TAS2R1: variants seen among roughly 807,000 people sequenced by gnomAD.
The protein encoded by TAS2R1 is taste 2 receptor member 1.
For missense variants in TAS2R1, 370 were observed against 353.4 expected (o/e 1.05, Z -0.38); for synonymous variants, 141 against 134.2 (o/e 1.05, Z -0.35).
intron 1 of TAS2R1, among the ~76,000 whole-genome samples, chr5:9,682,636 T>C (rs1004998543): frequency 2.0e-5 from 3 of 152,118 alleles, no homozygotes; most frequent in Non-Finnish European, 4.4e-5. Context: ...ACTATGATCA[T>C]GATGATTTTA....
chr5:9,876,528 T>C, the TAS2R1 span, among the ~76,000 whole-genome samples: 1 of 152,184 alleles, frequency 6.6e-6, no homozygotes, highest in East Asian at 1.9e-4. Flanking sequence ...TAAAGCAAAA[T>C]CTGTCATACC....
the TAS2R1 span, among the ~76,000 whole-genome samples, chr5:9,807,340 G>A: frequency 6.6e-6 from 1 of 152,106 alleles, no homozygotes; most frequent in Non-Finnish European, 1.5e-5. Flanking sequence ...GGAAAAGTGT[G>A]GACATTCTTC....
At chr5:9,724,340 CTTTCT>C in the TAS2R1 span, among the ~76,000 whole-genome samples, 3 of 124,090 alleles carry the variant, frequency 2.4e-5, no homozygotes, top group Non-Finnish European at 5.0e-5. Context: ...TTAGATGTTT[CTTTCT>C]TTTTTTTTTT....
the TAS2R1 span, among the ~76,000 whole-genome samples, chr5:9,819,894 T>C: frequency 5.4e-4 from 82 of 152,060 alleles, no homozygotes; most frequent in African/African-American, 2.0e-3. Flanking sequence ...GTTACAAATA[T>C]GCAAAAAAAG....
At chr5:9,667,091 T>G (rs1173325137) in intron 1 of TAS2R1, among the ~76,000 whole-genome samples, 1 of 152,208 alleles carries the variant, frequency 6.6e-6, no homozygotes, top group African/African-American at 2.4e-5. Flanking sequence ...TCCGTTTTTT[T>G]CTACAAATTT....
At chr5:9,867,230 T>C in the TAS2R1 span, 2 of 152,200 alleles carry the variant, frequency 1.3e-5, no homozygotes, top group African/African-American at 4.8e-5. Context: ...CCTGCTTTCC[T>C]GCTGGGAATC....
chr5:9,728,929 C>T, the TAS2R1 span, among the ~76,000 whole-genome samples: 1 of 152,172 alleles, frequency 6.6e-6, no homozygotes, highest in South Asian at 2.1e-4. Flanking sequence ...GAAGAGGCTT[C>T]CCTGATGCAG....
rs1250338416 is a variant in TAS2R1, at chr5:9,628,266, T to C, written c.*867A>G. 6.6e-6 allele frequency among the ~76,000 whole-genome samples: 1 copy of C among 152,054 alleles called. No homozygotes were observed. Among genetic ancestry groups the C allele is most frequent in the Non-Finnish European group, 1.5e-5 (1 of 68,022 alleles). On this transcript the variant is annotated 3_prime_UTR_variant, in exon 1 of 1. Transcript: ENST00000382492. The stretch of plus-strand genomic sequence containing the variant: ...CCCCAGCCCCACCCACCTACTGATG[T>C]TGCTTCATTGGGAAGACAGGCAATG...
the TAS2R1 span, among the ~76,000 whole-genome samples, chr5:9,724,154 A>C: frequency 6.6e-6 from 1 of 152,202 alleles, no homozygotes. Context: ...ATTGAAATGC[A>C]ACTGTGGCTG....
At chr5:9,702,069 A>T (rs954183225) in intron 1 of TAS2R1, among the ~76,000 whole-genome samples, 2 of 152,162 alleles carry the variant, frequency 1.3e-5, no homozygotes, top group African/African-American at 4.8e-5. Flanking sequence ...TGTATGTTTT[A>T]GGTTCTCTCA....
At chr5:9,702,197 C>A (rs1045642842) in intron 1 of TAS2R1, among the ~76,000 whole-genome samples, 2 of 152,210 alleles carry the variant, frequency 1.3e-5, no homozygotes, top group Admixed American at 6.5e-5. Context: ...ATACTTCTAA[C>A]AATTTTGCAT....
the TAS2R1 span, among the ~76,000 whole-genome samples, chr5:9,797,530 T>C: frequency 1.3e-5 from 2 of 152,168 alleles, no homozygotes; most frequent in East Asian, 3.9e-4. Flanking sequence ...AATTCTAGTC[T>C]ATAGAATAAA....
upstream of TAS2R1, among the ~76,000 whole-genome samples, chr5:9,716,890 C>G (rs1309817022): frequency 1.3e-5 from 2 of 152,120 alleles, no homozygotes; most frequent in African/African-American, 4.8e-5. Context: ...ACCAAACCAG[C>G]CATACGATCG....
chr5:9,642,547 T>G (rs1740106886), intron 2 of TAS2R1, among the ~76,000 whole-genome samples: 1 of 152,166 alleles, frequency 6.6e-6, no homozygotes, highest in Non-Finnish European at 1.5e-5. Flanking sequence ...ATCCATTCAT[T>G]TGCTTCTCTC....
the TAS2R1 span, among the ~76,000 whole-genome samples, chr5:9,803,936 C>T: frequency 3.9e-5 from 6 of 152,074 alleles, no homozygotes; most frequent in South Asian, 6.2e-4. Flanking sequence ...ACTTAAAAGA[C>T]CACACAATGG....
At chr5:9,830,605 G>GCACACACACACA in the TAS2R1 span, among the ~76,000 whole-genome samples, 234 of 149,808 alleles carry the variant, frequency 1.6e-3, no homozygotes, top group African/African-American at 5.2e-3. Flanking sequence ...ACGTGCGCGC[G>GCACACACACACA]CACACACACA....
the TAS2R1 span, among the ~76,000 whole-genome samples, chr5:9,837,545 C>T: frequency 1.9e-4 from 29 of 152,198 alleles, no homozygotes; most frequent in Non-Finnish European, 1.5e-5. Flanking sequence ...CAGAATGGAG[C>T]GATGGCCCCT....
At chr5:9,663,187 C>CA (rs1227407185) in intron 1 of TAS2R1, among the ~76,000 whole-genome samples, 1 of 151,520 alleles carries the variant, frequency 6.6e-6, no homozygotes. Context: ...ATGCAAACTG[C>CA]AAAAAAAGAT....
the TAS2R1 span, among the ~76,000 whole-genome samples, chr5:9,886,765 A>G: frequency 6.6e-6 from 1 of 152,182 alleles, no homozygotes; most frequent in Non-Finnish European, 1.5e-5. Flanking sequence ...AAAACTGTCT[A>G]TTGGGTACTA....
Sources: gnomAD v4.1 joint callset for allele counts (sites outside exome capture counted in the v4.1 genomes callset) on GRCh38, gnomAD v4.1.1 for gene constraint, MANE v1.5 for transcripts, NCBI Gene and HGNC (gene_info 2026-07-23, HGNC 2026-07-21) for gene names.